The following RNF213 variants were observed in gnomAD, a reference collection of about 807,000 sequenced individuals.
RNF213 encodes the protein ring finger protein 213, also known as E3 ubiquitin-protein ligase RNF213.
In RNF213, 341 loss-of-function variants were observed where a neutral mutation model predicts 514.4. That is an observed-to-expected ratio of 0.66 (90% CI 0.61 to 0.73). The LOEUF is 0.73. RNF213 is among the 30% of genes least tolerant of loss of function. The pLI is 0.00. For missense variants in RNF213, 5,767 were observed against 6,615.6 expected, an observed-to-expected ratio of 0.87 and a Z score of 4.45; for synonymous variants, 2,655 against 2,658.2, an observed-to-expected ratio of 1.00 and a Z score of 0.04.
intron 21 of RNF213, 130 bp from the exon 22 acceptor site, chr17:80,333,975 G>A (rs1171141404): frequency 2.0e-5 from 20 of 997,654 alleles, no homozygotes; most frequent in East Asian, 2.6e-5. Flanking sequence ...TGGTGTGCCT[G>A]TTGTCACAGC....
At chr17:80,341,754 G>A (rs907903490) in intron 26 of RNF213, 2 of 152,118 alleles carry the variant, frequency 1.3e-5, no homozygotes, top group Admixed American at 6.6e-5. Flanking sequence ...AAAAGAGAAA[G>A]AAAGAAAGAA....
In RNF213 at chr17:80,288,080, C is replaced by A. The variant is rs1236287859; in HGVS notation, c.527C>A (p.Ala176Asp). The A allele has an allele frequency of 3.1e-6, 5 of 1,608,998 alleles. No individual in the cohort carries two copies. In the Admixed American group the frequency reaches 5.0e-5, roughly 16 times the overall value. Residue 176 changes from alanine (A) to aspartate (D), a missense_variant, in exon 4 of 68, where the codon GCC becomes GAC. Around this residue, in one of 13 missense-constraint regions of RNF213, gnomAD observed 509 missense variants for 496.7 expected, o/e 1.02. Transcript: ENST00000582970. The surrounding 1 kb of genome is among the most constrained non-coding windows in gnomAD (Gnocchi z 4.9). ...PTEVGDSPLQAQALGEAGVAT... is the reference protein window; with the variant it reads ...PTEVGDSPLQDQALGEAGVAT... ...GAGGTTGGCGACAGCCCCCTGCAGG[C>A]CCAGGCTTTGGGAGAGGCAGGAGTG...
intron 2 of RNF213, among the ~76,000 whole-genome samples, chr17:80,268,563 C>G (rs1056145030): frequency 6.6e-6 from 1 of 151,994 alleles, no homozygotes; most frequent in African/African-American, 2.4e-5. Context: ...CCTCCATAGT[C>G]GTGTGAGCCA....
intron 30 of RNF213, among the ~76,000 whole-genome samples, 167 bp downstream of exon 30, chr17:80,350,073 T>C (rs2078451568): frequency 6.6e-6 from 1 of 152,200 alleles, no homozygotes; most frequent in South Asian, 2.1e-4. Flanking sequence ...CATCATCTTC[T>C]GCAACGCGGT....
At chr17:80,383,655 T>G in intron 58 of RNF213, 22 bp from the exon 59 acceptor site, 1 of 1,613,876 alleles carries the variant, frequency 6.2e-7, no homozygotes, top group Non-Finnish European at 8.5e-7. Context: ...CCAGAATTTT[T>G]TTTTTCATTT....
At chr17:80,362,183 G>GA (rs1032433162) in intron 39 of RNF213, among the ~76,000 whole-genome samples, 2 of 152,164 alleles carry the variant, frequency 1.3e-5, no homozygotes, top group African/African-American at 4.8e-5. Context: ...AGTTTCTCTT[G>GA]AAAAAAATTA....
chr17:80,311,452 C>A (rs974386639), intron 14 of RNF213, among the ~76,000 whole-genome samples: 15 of 152,180 alleles, frequency 9.9e-5, no homozygotes, highest in East Asian at 1.9e-4. Flanking sequence ...ATTGGGGGGA[C>A]CTTCAGCAGT....
At chr17:80,311,795 A>T (rs968165321) in intron 14 of RNF213, among the ~76,000 whole-genome samples, 2 of 151,942 alleles carry the variant, frequency 1.3e-5, no homozygotes, top group African/African-American at 4.8e-5. Flanking sequence ...GTGGCTCCTG[A>T]CACTTGCACG....
chr17:80,375,000 T>C (rs1462540434), intron 50 of RNF213: 1 of 242,104 alleles, frequency 4.1e-6, no homozygotes, highest in Non-Finnish European at 8.4e-6. Flanking sequence ...AAAATACATA[T>C]GTTGGTGTAG....
At chr17:80,388,536 C>T (rs1006111729) in intron 63 of RNF213, 76 bp from the exon 64 acceptor site, 148 of 1,014,610 alleles carry the variant, frequency 1.5e-4, no homozygotes, top group Middle Eastern at 2.4e-4. Context: ...TTTCCGGCTG[C>T]AGATTCTGTT....
chr17:80,384,653 C>G (rs558552892), intron 59 of RNF213, among the ~76,000 whole-genome samples: 2 of 152,218 alleles, frequency 1.3e-5, no homozygotes, highest in Non-Finnish European at 2.9e-5. Context: ...GATCCTAGGT[C>G]TTCGGAAGGA....
In RNF213 at chr17:80,377,149, G is replaced by C. The variant is rs1029714821; in HGVS notation, c.13510+186G>C. On this transcript the variant is annotated intron_variant, in intron 53 of 67. Coordinates refer to ENST00000582970, the MANE Select transcript of RNF213 (RefSeq NM_001256071.3). The surrounding 1 kb of genome is among the most constrained non-coding windows in gnomAD (Gnocchi z 4.1). ...GAAGGAGCTGGCACTCCGCCGGCTA[G>C]ATGATCCAAACCATTTCATTTCTTT... The C allele has an allele frequency of 3.2e-6, 2 of 627,626 alleles. No homozygotes were observed. The highest frequency in any genetic ancestry group is 1.8e-5 in the African/African-American group (1 of 54,936). 38.9% of individuals were successfully genotyped at this position (627,626 alleles called of 1,614,324 possible).
rs1247725329 is a variant in RNF213, at chr17:80,397,759, T to C, written c.*4261T>C. 6.6e-6 allele frequency: 1 copy of C among 151,462 alleles called. No homozygotes were observed. Among genetic ancestry groups the C allele is most frequent in the Non-Finnish European group, 1.5e-5 (1 of 67,944 alleles). 9.4% of individuals were successfully genotyped at this position (151,462 alleles called of 1,614,324 possible). On this transcript the variant is annotated 3_prime_UTR_variant, in exon 68 of 68. Coordinates refer to ENST00000582970, the MANE Select transcript of RNF213 (RefSeq NM_001256071.3). ...TCTTTAACTCGTGTCTGAGGGGTTT[T>C]CTCTGCAGCTTGTCCTGCTACATTT... is the stretch of plus-strand genomic sequence containing the variant.
rs138535898 is a variant in RNF213, at chr17:80,363,085, G to C, written c.11356-17G>C. On this transcript the variant is annotated splice_polypyrimidine_tract_variant and intron_variant, in intron 39 of 67. Transcript: ENST00000582970. ...TGTAATTTAAAAATATATTCTAAAA[G>C]CTTTTTTGAATCCCAGTTTCTGCAG... is the stretch of plus-strand genomic sequence containing the variant. 1.9e-6 allele frequency: 3 copies of C among 1,606,264 alleles called. No individual in the cohort carries two copies. The highest frequency in any genetic ancestry group is 2.6e-6 in the Non-Finnish European group (3 of 1,173,136).
At chr17:80,319,137 A>G (rs2046050001) in intron 16 of RNF213, 53 bp from the exon 17 acceptor site, 9 of 1,614,004 alleles carry the variant, frequency 5.6e-6, no homozygotes, top group South Asian at 1.1e-5. Flanking sequence ...CCCATAGAGC[A>G]CTGGAGCGCT....
In RNF213 at chr17:80,393,713, C is replaced by G. The variant is rs2080575123; in HGVS notation, c.*215C>G. ...ATGTACATACATGTTCTGAAACTTT[C>G]TCATCATTTTATGAGTACTGTTCAT... is the stretch of plus-strand genomic sequence containing the variant. On this transcript the variant is annotated 3_prime_UTR_variant, in exon 68 of 68. Coordinates refer to ENST00000582970, the MANE Select transcript of RNF213 (RefSeq NM_001256071.3). 2 of 546,138 alleles carry G rather than the reference C, an allele frequency of 3.7e-6. No homozygotes were observed. Among genetic ancestry groups the G allele is most frequent in the Admixed American group, 6.2e-5 (2 of 32,326 alleles). 33.8% of individuals were successfully genotyped at this position (546,138 alleles called of 1,614,324 possible). A position where few individuals can be genotyped will look rare whatever the true frequency, so the allele number is the denominator to read the frequency against.
intron 17 of RNF213, among the ~76,000 whole-genome samples, chr17:80,324,692 G>C (rs1394969509): frequency 1.3e-5 from 2 of 151,880 alleles, no homozygotes; most frequent in East Asian, 3.9e-4. Flanking sequence ...GCTATATTAA[G>C]GGTTTATTCA....
chr17:80,280,348 A>G (rs1371903221), intron 3 of RNF213, among the ~76,000 whole-genome samples: 1 of 152,226 alleles, frequency 6.6e-6, no homozygotes, highest in Non-Finnish European at 1.5e-5. Context: ...GAGAACATGG[A>G]AGGTTTAGCA....
chr17:80,378,438 C>T (rs372692504), intron 54 of RNF213, among the ~76,000 whole-genome samples: 2 of 152,130 alleles, frequency 1.3e-5, no homozygotes, highest in African/African-American at 2.4e-5. Flanking sequence ...TGAGCTGACA[C>T]GTGGTAGTTA....
Sources: gnomAD v4.1 joint callset for allele counts (sites outside exome capture counted in the v4.1 genomes callset) on GRCh38, gnomAD v4.1.1 for gene constraint, gnomAD v4.1.1 regional missense constraint, Gnocchi (gnomAD v3.1) non-coding constraint, MANE v1.5 for transcripts, NCBI Gene and HGNC (gene_info 2026-07-23, HGNC 2026-07-21) for gene names.